BICD1: variants seen among roughly 807,000 people sequenced by gnomAD.
The protein encoded by BICD1 is protein bicaudal D homolog 1.
BICD1 carries 35 observed loss-of-function variants against 92.5 expected under a neutral mutation model. That is an observed-to-expected ratio of 0.38 (90% CI 0.29 to 0.50). The LOEUF is 0.50. Among genes scored for constraint, BICD1 ranks in the 20% least tolerant of loss-of-function variants. The pLI is 0.93. For missense variants in BICD1, 950 were observed against 1,189.8 expected (o/e 0.80, Z 2.97); for synonymous variants, 429 against 465.1 (o/e 0.92, Z 1.00).
chr12:32,162,192 C>G (rs1348849209), intron 1 of BICD1, among the ~76,000 whole-genome samples: 1 of 152,126 alleles, frequency 6.6e-6, no homozygotes, highest in Non-Finnish European at 1.5e-5. Flanking sequence ...TCTAAACCAC[C>G]CTCAGAAATG....
intron 2 of BICD1, among the ~76,000 whole-genome samples, chr12:32,266,539 A>G (rs2136137167): frequency 1.3e-5 from 2 of 152,294 alleles, no homozygotes; most frequent in South Asian, 4.1e-4. Flanking sequence ...TCTAAAAGTT[A>G]TTTTGGCAAA....
intron 2 of BICD1, among the ~76,000 whole-genome samples, chr12:32,257,201 GAC>G (rs1466076696): frequency 2.0e-5 from 2 of 100,086 alleles, no homozygotes; most frequent in African/African-American, 8.3e-5. Flanking sequence ...GACAGAGGGA[GAC>G]TCTGTCTCAA....
intron 9 of BICD1, among the ~76,000 whole-genome samples, chr12:32,371,953 T>C (rs1239608522): frequency 6.6e-6 from 1 of 152,192 alleles, no homozygotes; most frequent in African/African-American, 2.4e-5. Flanking sequence ...CAAGGTCACA[T>C]ATCCTGAACA....
chr12:32,374,908 TC>T (rs1939879704), intron 9 of BICD1, among the ~76,000 whole-genome samples: 1 of 129,198 alleles, frequency 7.7e-6, no homozygotes, highest in Non-Finnish European at 1.6e-5. Context: ...TCATTTATTT[TC>T]CTTTTTTTTT....
Position 32,216,425 on chromosome 12 carries a change from A to G in BICD1, c.392A>G (p.Glu131Gly). The part of the protein sequence containing the change: ...AVVTNVQAEN[E>G]RLTAVVQDLK... ...GTCACTAATGTACAGGCAGAAAACGAGAGGCTCACCGCAGTCGTGCAGGAT... is the reference window on the plus strand; with the variant it reads ...GTCACTAATGTACAGGCAGAAAACGGGAGGCTCACCGCAGTCGTGCAGGAT... Residue 131 changes from glutamate to glycine, a missense_variant, in exon 2 of 10, where the codon GAG becomes GGG. Glu to Gly is a moderately conservative substitution (Grantham distance 98). Coordinates refer to ENST00000652176, the MANE Select transcript of BICD1 (RefSeq NM_001714.4). 3.1e-6 allele frequency: 5 copies of G among 1,614,206 alleles called. No individual in the cohort carries two copies. The highest frequency in any genetic ancestry group is 1.3e-5 in the African/African-American group (1 of 75,060).
intron 1 of BICD1, among the ~76,000 whole-genome samples, chr12:32,142,131 C>T (rs964681261): frequency 3.3e-5 from 5 of 152,002 alleles, no homozygotes; most frequent in African/African-American, 7.2e-5. Flanking sequence ...GACAGCCTGG[C>T]GTGATGGCTC....
intron 2 of BICD1, among the ~76,000 whole-genome samples, chr12:32,262,003 G>A (rs1253541667): frequency 6.6e-6 from 1 of 152,158 alleles, no homozygotes; most frequent in African/African-American, 2.4e-5. Flanking sequence ...CCTGACAGGG[G>A]CAAGACCCAG....
intron 1 of BICD1, among the ~76,000 whole-genome samples, chr12:32,146,660 C>A (rs1234695392): frequency 6.6e-6 from 1 of 152,156 alleles, no homozygotes; most frequent in African/African-American, 2.4e-5. Context: ...GGCCTCAGAG[C>A]AGACAGAGGA....
chr12:32,131,774 C>T (rs888544229), intron 1 of BICD1, among the ~76,000 whole-genome samples: 3 of 152,180 alleles, frequency 2.0e-5, no homozygotes, highest in Non-Finnish European at 4.4e-5. Context: ...GATGACTAAA[C>T]GCTTGGTATA....
chr12:32,270,210 A>G (rs2136144762), intron 2 of BICD1, among the ~76,000 whole-genome samples: 1 of 151,980 alleles, frequency 6.6e-6, no homozygotes, highest in African/African-American at 2.4e-5. Flanking sequence ...AAACATTTTA[A>G]TATGGTATAT....
At chr12:32,368,875 C>A (rs7135763) in intron 9 of BICD1, among the ~76,000 whole-genome samples, 51,835 of 151,828 alleles carry the variant, frequency 0.34, 9,047 homozygotes, top group East Asian at 0.41. Context: ...AATCACATCA[C>A]TGCACTCCAG....
chr12:32,187,634 C>T (rs375337414), intron 1 of BICD1, among the ~76,000 whole-genome samples: 7 of 151,614 alleles, frequency 4.6e-5, no homozygotes, highest in Non-Finnish European at 8.8e-5. Context: ...ATTGTGCCCC[C>T]GCACTCCAGC....
chr12:32,166,545 A>T (rs1381853675), intron 1 of BICD1, among the ~76,000 whole-genome samples: 1 of 152,172 alleles, frequency 6.6e-6, no homozygotes, highest in East Asian at 1.9e-4. Context: ...AGCCAACAGG[A>T]AAGAATCATC....
At position 32,150,087 on chromosome 12, in the gene BICD1, C is replaced by A. The variant is rs146804430; in HGVS notation, c.213+42543C>A. 1.1e-4 allele frequency among the ~76,000 whole-genome samples: 16 copies of A among 152,240 alleles called. No homozygotes were observed. In the East Asian group the frequency reaches 3.1e-3, roughly 29 times the overall value. ...ACTCCCCTTTATAAAACCATCAGATCTCATGAGACTTACTCACTATCATGA... is the reference window on the plus strand; with the variant it reads ...ACTCCCCTTTATAAAACCATCAGATATCATGAGACTTACTCACTATCATGA... On this transcript the variant is annotated intron_variant, in intron 1 of 9. Coordinates refer to ENST00000652176, the MANE Select transcript of BICD1 (RefSeq NM_001714.4).
At position 32,311,694 on chromosome 12, in the gene BICD1, C is replaced by A. The variant is rs566149311; in HGVS notation, c.1005+5572C>A. On this transcript the variant is annotated intron_variant, in intron 4 of 9. Transcript: ENST00000652176. The stretch of plus-strand genomic sequence containing the variant: ...ATTGTGGAGACCAAGTTTTATTGTG[C>A]AGAGGAAGCTCTCAGATAGCTGACT... Among the ~76,000 whole-genome samples the A allele has an allele frequency of 5.9e-5, 9 of 152,202 alleles. No individual in the cohort carries two copies. In the East Asian group the frequency reaches 1.7e-3, roughly 29 times the overall value.
intron 2 of BICD1, among the ~76,000 whole-genome samples, chr12:32,256,995 A>G (rs1356135985): frequency 2.6e-5 from 4 of 152,144 alleles, no homozygotes; most frequent in African/African-American, 9.7e-5. Context: ...CGGGCGGATC[A>G]CAAGTTCAAG....
Position 32,382,731 on chromosome 12 carries a change from G to A in BICD1, c.*5104G>A, listed in dbSNP as rs773383115. 2 of 151,396 alleles carry A rather than the reference G, an allele frequency of 1.3e-5. No individual in the cohort carries two copies. Among genetic ancestry groups the A allele is most frequent in the Non-Finnish European group, 3.0e-5 (2 of 67,784 alleles). 9.4% of individuals were successfully genotyped at this position (151,396 alleles called of 1,614,324 possible). A position where few individuals can be genotyped will look rare whatever the true frequency, so the allele number is the denominator to read the frequency against. On this transcript the variant is annotated 3_prime_UTR_variant, in exon 10 of 10. Coordinates refer to ENST00000652176, the MANE Select transcript of BICD1 (RefSeq NM_001714.4). ...ATCATTGTTCTCTAATGAAAACACC[G>A]AGAAGTAAATCTGGTGCTTCTTAGT... is the stretch of plus-strand genomic sequence containing the variant.
At chr12:32,323,771 T>C (rs1350150716) in intron 4 of BICD1, among the ~76,000 whole-genome samples, 1 of 152,176 alleles carries the variant, frequency 6.6e-6, no homozygotes, top group Non-Finnish European at 1.5e-5. Context: ...TGCATAGTAG[T>C]CTGGGACAGT....
At chr12:32,301,813 C>A (rs143320054) in intron 3 of BICD1, among the ~76,000 whole-genome samples, 5 of 152,250 alleles carry the variant, frequency 3.3e-5, no homozygotes, top group East Asian at 1.9e-4. Flanking sequence ...GGAAAAGGAA[C>A]AGCCAGTGCT....
Sources: gnomAD v4.1 joint callset for allele counts (sites outside exome capture counted in the v4.1 genomes callset) on GRCh38, gnomAD v4.1.1 for gene constraint, MANE v1.5 for transcripts, NCBI Gene and HGNC (gene_info 2026-07-23, HGNC 2026-07-21) for gene names.